KLK9: variants seen among roughly 807,000 people sequenced by gnomAD.
The protein encoded by KLK9 is kallikrein-9.
In KLK9, 26 loss-of-function variants were observed where a neutral mutation model predicts 23.3. The observed-to-expected ratio is 1.12, with a 90% confidence interval of 0.82 to 1.55. The LOEUF (loss-of-function observed/expected upper bound fraction) is 1.55, where lower values mean the gene tolerates loss of function less well. Ranked by LOEUF, KLK9 falls within the 40% of genes most tolerant of loss-of-function variation. The pLI, the probability that KLK9 is intolerant of heterozygous loss-of-function variation, is 0.00. For synonymous variants in KLK9, 122 were observed against 128.5 expected, an observed-to-expected ratio of 0.95 and a Z score of 0.34; for missense variants, 346 against 333.7, an observed-to-expected ratio of 1.04 and a Z score of -0.29.
Position 51,003,807 on chromosome 19 carries a change from A to T in KLK9, c.500T>A (p.Ile167Asn), listed in dbSNP as rs2091245086. The stretch of plus-strand genomic sequence containing the variant: ...ACAGAGTTTGTTCTCCAGGATGCTG[A>T]TGTTGGCACACTGCAGTGTGACTGG... ...LFPVTLQCAN[I>N]SILENKLCHW... Residue 167 changes from isoleucine (I) to asparagine (N), a missense_variant, in exon 4 of 5, where the codon ATC (isoleucine) becomes AAC (asparagine). Physicochemically the swap from Ile to Asn is moderately radical, Grantham distance 149 (BLOSUM62 -3). Coordinates refer to ENST00000594211, the MANE Select transcript of KLK9 (RefSeq NM_012315.2). The T allele has an allele frequency of 6.2e-7, 1 of 1,613,898 alleles. No individual in the cohort carries two copies. Among genetic ancestry groups the T allele is most frequent in the African/African-American group, 1.3e-5 (1 of 75,010 alleles).
chr19:51,007,090 C>G (rs368337299), intron 2 of KLK9, among the ~76,000 whole-genome samples: 1 of 151,886 alleles, frequency 6.6e-6, no homozygotes, highest in East Asian at 1.9e-4. Flanking sequence ...CACATAACAA[C>G]CGCCCCACCC....
chr19:51,003,094 C>G lies in KLK9; in HGVS notation c.*17G>C, dbSNP rs756443051. ...GGCCTCTCTTGGTCTTCCAAGGTGC[C>G]CCCGTGGCGCGCGGGCTCAGTTCTC... On this transcript the variant is annotated 3_prime_UTR_variant, in exon 5 of 5. Coordinates refer to ENST00000594211, the MANE Select transcript of KLK9 (RefSeq NM_012315.2). 3.8e-5 allele frequency: 60 copies of G among 1,597,460 alleles called. No homozygotes were observed. The highest frequency in any genetic ancestry group is 1.3e-4 in the South Asian group (12 of 89,570).
At position 51,003,737 on chromosome 19, in the gene KLK9, C is replaced by T. The variant is rs61752563; in HGVS notation, c.570G>A (p.Ala190=). The change falls in exon 4 of 5, where the codon GCG becomes GCA. Residue 190 remains alanine (A), a synonymous_variant. Transcript: ENST00000594211. ...PGHISDSMLC[A]GLWEGGRGSC... ...AACCTCGGCCCCCCTCCCACAGGCC[C>T]GCACAGAGCATGCTGTCCGAGATGT... 22,552 of 1,613,558 alleles carry T rather than the reference C, an allele frequency of 0.014. 221 individuals are homozygous for T. Among genetic ancestry groups the T allele is most frequent in the Non-Finnish European group, 0.018 (21,182 of 1,179,484 alleles).
chr19:51,009,511 G>A lies in KLK9; in HGVS notation c.37C>T (p.Leu13=). The change falls in exon 1 of 5, where the codon CTG becomes TTG. Residue 13 remains leucine (L), a synonymous_variant. Transcript: ENST00000594211. This position sits in a 1 kb window ranked among gnomAD's most constrained non-coding sequence, Gnocchi z 4.8. Reference sequence around the variant, plus strand: ...GCCAGCCTGGGAGCCTCACCTGCCAGCAGAGAGAGCAGAGCACAGAGGAGT... The same window carrying A: ...GCCAGCCTGGGAGCCTCACCTGCCAACAGAGAGAGCAGAGCACAGAGGAGT... ...LGLLCALLSL[L]AGHGWADTRA... 6.2e-7 allele frequency: 1 copy of A among 1,611,050 alleles called. No individual in the cohort carries two copies. Among genetic ancestry groups the A allele is most frequent in the Non-Finnish European group, 8.5e-7 (1 of 1,178,676 alleles).
rs1267878548 is a variant in KLK9 at position 51,006,030 on chromosome 19, G to A, written c.466+428C>T. On this transcript the variant is annotated intron_variant, in intron 3 of 4. Coordinates refer to ENST00000594211, the MANE Select transcript of KLK9 (RefSeq NM_012315.2). This position sits in a 1 kb window ranked among gnomAD's most constrained non-coding sequence, Gnocchi z 4.1. ...TCCCAGCTACTTGGGAGGTTGAGGCGAGAGGATCACTTGAGCCCAGGAGTT... is the reference window on the plus strand; with the variant it reads ...TCCCAGCTACTTGGGAGGTTGAGGCAAGAGGATCACTTGAGCCCAGGAGTT... Among the ~76,000 whole-genome samples, 3 of 151,646 alleles carry A rather than the reference G, an allele frequency of 2.0e-5. No homozygotes were observed. Among genetic ancestry groups the A allele is most frequent in the Admixed American group, 1.3e-4 (2 of 15,186 alleles).
In KLK9 at chr19:51,006,553, C is replaced by T. The variant is rs2091256364; in HGVS notation, c.371G>A (p.Ser124Asn). 15 of 1,613,164 alleles carry T rather than the reference C, an allele frequency of 9.3e-6. No individual in the cohort carries two copies. The highest frequency in any genetic ancestry group is 1.7e-5 in the Admixed American group (1 of 59,942). ...LIRLPRQARL[S>N]PAVQPLNLSQ... ...GAGGTTGAGGGGCTGCACAGCAGGA[C>T]TCAGACGTGCCTGCCTGGGCAGGCG... The change falls in exon 3 of 5, where the codon AGT becomes AAT. Residue 124 changes from serine (S) to asparagine (N), a missense_variant. Coordinates refer to ENST00000594211, the MANE Select transcript of KLK9 (RefSeq NM_012315.2). The surrounding 1 kb of genome is among the most constrained non-coding windows in gnomAD (Gnocchi z 4.1).
intron 2 of KLK9, among the ~76,000 whole-genome samples, chr19:51,007,865 C>T (rs868054339): frequency 7.2e-5 from 11 of 152,064 alleles, no homozygotes; most frequent in South Asian, 6.2e-4. Flanking sequence ...TCTCAGATTC[C>T]GACACACTAT....
rs746733656 is a variant in KLK9 at position 51,003,836 on chromosome 19, C to G, written c.471G>C (p.Leu157=). The change falls in exon 4 of 5, where the codon CTG becomes CTC. Residue 157 remains leucine, a synonymous_variant. Coordinates refer to ENST00000594211, the MANE Select transcript of KLK9 (RefSeq NM_012315.2). ...TGGCACACTGCAGTGTGACTGGAAA[C>G]AGCGCTGTCAGGGAAGAGAACTGTC... ...GWGAVSSPKA[L]FPVTLQCANI... 2 of 1,613,636 alleles carry G rather than the reference C, an allele frequency of 1.2e-6. No homozygotes were observed. Among genetic ancestry groups the G allele is most frequent in the Admixed American group, 1.7e-5 (1 of 59,978 alleles).
In KLK9 at chr19:51,009,424, G is replaced by A; in HGVS notation, c.43+81C>T. On this transcript the variant is annotated intron_variant, in intron 1 of 4. Transcript: ENST00000594211. The surrounding 1 kb of genome is among the most constrained non-coding windows in gnomAD (Gnocchi z 4.8). ...GGATGCTGAGAAGCCTAGAGGGCAG[G>A]AGGCAGAAGCCTGGGATGGGAGGGA... 6.4e-7 allele frequency: 1 copy of A among 1,554,208 alleles called. No individual in the cohort carries two copies. The highest frequency in any genetic ancestry group is 8.7e-7 in the Non-Finnish European group (1 of 1,148,894).
chr19:51,006,984 C>T lies in KLK9; in HGVS notation c.201-261G>A, dbSNP rs2091258241. On this transcript the variant is annotated intron_variant, in intron 2 of 4. Coordinates refer to ENST00000594211, the MANE Select transcript of KLK9 (RefSeq NM_012315.2). The surrounding 1 kb of genome is among the most constrained non-coding windows in gnomAD (Gnocchi z 4.1). ...CCCCACAAAGCCCCCGCTCCTAGTCCCAGGCTGAGTGAGCCACCTTCCTCC... is the reference window on the plus strand; with the variant it reads ...CCCCACAAAGCCCCCGCTCCTAGTCTCAGGCTGAGTGAGCCACCTTCCTCC... 6.6e-6 allele frequency among the ~76,000 whole-genome samples: 1 copy of T among 151,840 alleles called. No homozygotes were observed. Among genetic ancestry groups the T allele is most frequent in the Non-Finnish European group, 1.5e-5 (1 of 67,898 alleles).
chr19:51,002,953 G>T lies in KLK9; in HGVS notation c.*158C>A. The T allele has an allele frequency of 1.2e-6, 1 of 866,988 alleles. No homozygotes were observed. The highest frequency in any genetic ancestry group is 1.7e-6 in the Non-Finnish European group (1 of 575,184). 53.7% of individuals were successfully genotyped at this position (866,988 alleles called of 1,614,324 possible). ...TGTGTCTTGCTTGACCTCGTGAGGG[G>T]GCGGAGCCTCAGGGGCGGAGTCTTA... is the stretch of plus-strand genomic sequence containing the variant. On this transcript the variant is annotated 3_prime_UTR_variant, in exon 5 of 5. Coordinates refer to ENST00000594211, the MANE Select transcript of KLK9 (RefSeq NM_012315.2).
Position 51,009,191 on chromosome 19 carries a change from G to T in KLK9, c.192C>A (p.Cys64Ter). The change falls in exon 2 of 5, where the codon TGC (cysteine) becomes TGA (stop). Residue 64 changes from cysteine (C) to a stop codon, truncating the protein, a stop_gained. Transcript: ENST00000594211. LOFTEE classifies it high-confidence loss of function. This position sits in a 1 kb window ranked among gnomAD's most constrained non-coding sequence, Gnocchi z 4.8. ...CAGCCTGGGTCACTCACGGCTTGCG[G>T]CAGTGGGCAGCTGTGAGCAGCCAGC... is the stretch of plus-strand genomic sequence containing the variant. ...SDRWLLTAAH[C>*]RKPYLWVRLG... is the part of the protein sequence containing the mutation. 2 of 1,606,762 alleles carry T rather than the reference G, an allele frequency of 1.2e-6. No homozygotes were observed. Among genetic ancestry groups the T allele is most frequent in the Non-Finnish European group, 8.5e-7 (1 of 1,178,474 alleles).
Position 51,006,455 on chromosome 19 carries a change from T to A in KLK9, c.466+3A>T. 6.2e-7 allele frequency: 1 copy of A among 1,606,938 alleles called. No individual in the cohort carries two copies. The highest frequency in any genetic ancestry group is 8.5e-7 in the Non-Finnish European group (1 of 1,176,068). ...TCAGAGAGAGTTCTGGGCCAGGTCATACCCTTGGGGCTGGACACGGCCCCC... is the reference window on the plus strand; with the variant it reads ...TCAGAGAGAGTTCTGGGCCAGGTCAAACCCTTGGGGCTGGACACGGCCCCC... On this transcript the variant is annotated splice_donor_region_variant and intron_variant, in intron 3 of 4. Coordinates refer to ENST00000594211, the MANE Select transcript of KLK9 (RefSeq NM_012315.2). The surrounding 1 kb of genome is among the most constrained non-coding windows in gnomAD (Gnocchi z 4.1).
chr19:51,008,713 GT>G (rs1388502727), intron 2 of KLK9, among the ~76,000 whole-genome samples: 1 of 152,102 alleles, frequency 6.6e-6, no homozygotes, highest in Non-Finnish European at 1.5e-5. Context: ...GTCAAAATAA[GT>G]TTTTGGGTAT....
chr19:51,007,958 A>C (rs2091261856), intron 2 of KLK9, among the ~76,000 whole-genome samples: 1 of 152,076 alleles, frequency 6.6e-6, no homozygotes, highest in Non-Finnish European at 1.5e-5. Flanking sequence ...CCCCTGGATC[A>C]AAAAAACTCC....
Position 51,009,339 on chromosome 19 carries a change from C to G in KLK9, c.44G>C (p.Gly15Ala). 1.3e-6 allele frequency: 2 copies of G among 1,578,656 alleles called. No individual in the cohort carries two copies. Among genetic ancestry groups the G allele is most frequent in the Non-Finnish European group, 1.7e-6 (2 of 1,161,612 alleles). The change falls in exon 2 of 5, where the codon GGG becomes GCG. Residue 15 changes from glycine (G) to alanine (A), a missense_variant and splice_region_variant. Gly to Ala is a moderately conservative substitution (Grantham distance 60, BLOSUM62 0). Transcript: ENST00000594211. The surrounding 1 kb of genome is among the most constrained non-coding windows in gnomAD (Gnocchi z 4.8). Reference sequence around the variant, plus strand: ...GGCACGGGTGTCTGCCCAGCCATGCCCTGGGGTGGGGATGAGGGACAAAGG... The same window carrying G: ...GGCACGGGTGTCTGCCCAGCCATGCGCTGGGGTGGGGATGAGGGACAAAGG... ...LLCALLSLLA[G>A]HGWADTRAIG... is the part of the protein sequence containing the mutation.
chr19:51,003,680 AT>A, intron 4 of KLK9, 23 bp downstream of exon 4: 1 of 1,596,524 alleles, frequency 6.3e-7, no homozygotes, highest in Non-Finnish European at 8.5e-7. Flanking sequence ...GGACAGCCTC[AT>A]TTTCCCCAGA....
intron 2 of KLK9, among the ~76,000 whole-genome samples, chr19:51,008,614 G>A (rs952109): frequency 0.57 from 86,592 of 152,048 alleles, 27,645 homozygotes; most frequent in African/African-American, 0.88. Flanking sequence ...AACAGGCTAT[G>A]TGTGTAAAAT....
chr19:51,003,343 G>T, intron 4 of KLK9, 83 bp from the exon 5 acceptor site: 1 of 1,427,378 alleles, frequency 7.0e-7, no homozygotes, highest in Non-Finnish European at 9.4e-7. Flanking sequence ...CTCCCAGAAA[G>T]GCCCCAGCCC....
Sources: gnomAD v4.1 joint callset for allele counts (sites outside exome capture counted in the v4.1 genomes callset) on GRCh38, gnomAD v4.1.1 for gene constraint, Gnocchi (gnomAD v3.1) non-coding constraint, MANE v1.5 for transcripts, NCBI Gene and HGNC (gene_info 2026-07-23, HGNC 2026-07-21) for gene names.